The following HDAC9 variants were observed in gnomAD, a reference collection of about 807,000 sequenced individuals.
HDAC9 encodes the protein MEF-2 interacting transcription repressor (MITR) protein.
A neutral mutation model predicts 139.4 loss-of-function variants in HDAC9; 41 were observed. That is an observed-to-expected ratio of 0.29 (90% confidence interval 0.23 to 0.38). The LOEUF (loss-of-function observed/expected upper bound fraction) is 0.38, where lower values mean the gene tolerates loss of function less well. Ranked by LOEUF, HDAC9 falls within the 10% of genes least tolerant of loss-of-function variation. The pLI, the probability that HDAC9 is intolerant of heterozygous loss-of-function variation, is 1.00. For missense variants in HDAC9, 1,147 were observed against 1,297.0 expected, an observed-to-expected ratio of 0.88 and a Z score of 1.78; for synonymous variants, 517 against 476.2, an observed-to-expected ratio of 1.09 and a Z score of -1.12.
rs1332047250 is a variant in HDAC9, at chr7:19,000,038, A to C, written c.*3976A>C. On this transcript the variant is annotated 3_prime_UTR_variant, in exon 26 of 26. Coordinates refer to ENST00000686413, the MANE Select transcript of HDAC9 (RefSeq NM_178425.4). Reference sequence around the variant, plus strand: ...AGAAAATAAGGGGAAAACAAGATAGAAGTAAAAAACAACACACCTGTTGAA... The same window carrying C: ...AGAAAATAAGGGGAAAACAAGATAGCAGTAAAAAACAACACACCTGTTGAA... The C allele has an allele frequency of 6.6e-6, 1 of 152,222 alleles. No individual in the cohort carries two copies. The highest frequency in any genetic ancestry group is 1.9e-4 in the East Asian group (1 of 5,192). The allele number at this position is 152,222 out of a possible 1,614,324, so 9.4% of individuals were successfully genotyped here. A position where few individuals can be genotyped will look rare whatever the true frequency, so the allele number is the denominator to read the frequency against.
chr7:18,965,195 A>G (rs1439791530), intron 24 of HDAC9, among the ~76,000 whole-genome samples: 1 of 152,156 alleles, frequency 6.6e-6, no homozygotes, highest in South Asian at 2.1e-4. Flanking sequence ...GAAAACTGGA[A>G]TATCCATGTT....
chr7:18,868,229 T>C (rs1342882209), intron 21 of HDAC9, among the ~76,000 whole-genome samples: 2 of 152,186 alleles, frequency 1.3e-5, no homozygotes, highest in African/African-American at 4.8e-5. Flanking sequence ...AATGGGTCAA[T>C]TGAGTGTGTG....
chr7:18,518,570 C>T (rs998841770), intron 2 of HDAC9, among the ~76,000 whole-genome samples: 4 of 152,164 alleles, frequency 2.6e-5, no homozygotes, highest in Admixed American at 2.6e-4. Flanking sequence ...TAAAGACTTA[C>T]CTAGAGCCAC....
intron 2 of HDAC9, among the ~76,000 whole-genome samples, chr7:18,282,477 T>TA (rs1335568148): frequency 2.0e-5 from 3 of 152,300 alleles, no homozygotes; most frequent in East Asian, 1.9e-4. Context: ...ATGAGAGTGA[T>TA]ACGTTGTGAT....
intron 22 of HDAC9, among the ~76,000 whole-genome samples, chr7:18,911,909 G>A (rs1358581268): frequency 6.6e-6 from 1 of 151,922 alleles, no homozygotes; most frequent in Admixed American, 6.6e-5. Flanking sequence ...TTGTTTTGTA[G>A]CCTACTATAT....
At chr7:18,563,827 T>C (rs1049671315) in intron 2 of HDAC9, among the ~76,000 whole-genome samples, 1 of 149,474 alleles carries the variant, frequency 6.7e-6, no homozygotes, top group Admixed American at 6.9e-5. Flanking sequence ...ATGTACCATG[T>C]TGATTTGCTG....
At chr7:18,493,714 A>G (rs1371887621), upstream of HDAC9, among the ~76,000 whole-genome samples, 1 of 151,954 alleles carries the variant, frequency 6.6e-6, no homozygotes, top group Non-Finnish European at 1.5e-5. Flanking sequence ...TGAAATATAA[A>G]GAATCTTGAT....
At chr7:18,669,850 T>C (rs1562836750) in intron 12 of HDAC9, among the ~76,000 whole-genome samples, 1 of 151,790 alleles carries the variant, frequency 6.6e-6, no homozygotes, top group Non-Finnish European at 1.5e-5. Flanking sequence ...CTTCTGGAAG[T>C]AAAAATTCAC....
intron 1 of HDAC9, among the ~76,000 whole-genome samples, chr7:18,438,680 TTATA>T (rs1172053101): frequency 1.3e-5 from 2 of 150,502 alleles, no homozygotes; most frequent in African/African-American, 4.9e-5. Context: ...GTGTGTAACA[TTATA>T]TAATGTGTCT....
chr7:18,931,693 A>G (rs1424272551), intron 22 of HDAC9, among the ~76,000 whole-genome samples: 2 of 152,176 alleles, frequency 1.3e-5, no homozygotes, highest in African/African-American at 4.8e-5. Flanking sequence ...TTCAAAATAG[A>G]AGCAACCTAA....
intron 2 of HDAC9, among the ~76,000 whole-genome samples, chr7:18,498,995 C>A (rs1470613467): frequency 6.6e-6 from 1 of 151,936 alleles, no homozygotes; most frequent in Non-Finnish European, 1.5e-5. Flanking sequence ...TCTTATAAAT[C>A]AACTATTTAT....
intron 2 of HDAC9, among the ~76,000 whole-genome samples, chr7:18,188,642 A>G (rs2128147744): frequency 6.6e-6 from 1 of 152,322 alleles, no homozygotes; most frequent in Non-Finnish European, 1.5e-5. Flanking sequence ...ACTTAAACAT[A>G]TTTACAAGAA....
intron 2 of HDAC9, among the ~76,000 whole-genome samples, chr7:18,167,193 A>ATT (rs57125526): frequency 4.9e-5 from 7 of 143,100 alleles, no homozygotes; most frequent in South Asian, 4.4e-4. Flanking sequence ...ATTGTTTTGG[A>ATT]TTTTTTTTTT....
At chr7:18,400,348 T>C (rs1029217176) in intron 1 of HDAC9, among the ~76,000 whole-genome samples, 5 of 152,220 alleles carry the variant, frequency 3.3e-5, no homozygotes, top group African/African-American at 1.2e-4. Context: ...TCAACAGCTG[T>C]ATCAATGATT....
intron 2 of HDAC9, among the ~76,000 whole-genome samples, chr7:18,188,986 T>G (rs1385409446): frequency 6.6e-6 from 1 of 152,196 alleles, no homozygotes; most frequent in African/African-American, 2.4e-5. Context: ...AGCAATCCCA[T>G]TACTGGGTAT....
chr7:18,349,907 AC>A (rs2128672227), intron 1 of HDAC9, among the ~76,000 whole-genome samples: 1 of 152,252 alleles, frequency 6.6e-6, no homozygotes, highest in East Asian at 1.9e-4. Flanking sequence ...GGGCTTTGGA[AC>A]ATATGTGAGA....
intron 2 of HDAC9, among the ~76,000 whole-genome samples, chr7:18,211,590 T>A (rs909609866): frequency 6.6e-6 from 1 of 152,236 alleles, no homozygotes; most frequent in African/African-American, 2.4e-5. Context: ...ACTTAATTGA[T>A]GGCAAACAAG....
At chr7:18,641,625 T>C (rs776731702) in intron 8 of HDAC9, among the ~76,000 whole-genome samples, 3 of 152,118 alleles carry the variant, frequency 2.0e-5, no homozygotes, top group Non-Finnish European at 2.9e-5. Context: ...AACCGTCATT[T>C]CCATGTTCTA....
intron 1 of HDAC9, among the ~76,000 whole-genome samples, chr7:18,394,353 C>T (rs1786826097): frequency 1.3e-5 from 2 of 152,130 alleles, no homozygotes; most frequent in South Asian, 4.1e-4. Context: ...TAAGAGGGAG[C>T]ATCGTCTAGA....
Sources: gnomAD v4.1 joint callset for allele counts (sites outside exome capture counted in the v4.1 genomes callset) on GRCh38, gnomAD v4.1.1 for gene constraint, MANE v1.5 for transcripts, NCBI Gene and HGNC (gene_info 2026-07-23, HGNC 2026-07-21) for gene names.